Variants in MTUS2 observed in about 807,000 individuals in gnomAD.
The protein encoded by MTUS2 is microtubule associated scaffold protein 2.
MTUS2 carries 40 observed loss-of-function variants against 114.1 expected under a neutral mutation model. That is an observed-to-expected ratio of 0.35 (90% CI 0.27 to 0.46). MTUS2 has a LOEUF of 0.46. Ranked by LOEUF, MTUS2 falls within the 20% of genes least tolerant of loss-of-function variation. MTUS2 has a pLI of 1.00. For missense variants in MTUS2, 1,679 were observed against 1,705.4 expected (o/e 0.98, Z 0.27); for synonymous variants, 688 against 672.0 (o/e 1.02, Z -0.37).
chr13:29,155,312 T>A (rs1222884331), intron 5 of MTUS2, among the ~76,000 whole-genome samples: 2 of 152,230 alleles, frequency 1.3e-5, no homozygotes, highest in Non-Finnish European at 2.9e-5. Context: ...GATCAGAATT[T>A]CATTTAAAGA....
chr13:29,118,462 C>G (rs1289212686), intron 5 of MTUS2, among the ~76,000 whole-genome samples: 1 of 152,096 alleles, frequency 6.6e-6, no homozygotes, highest in Non-Finnish European at 1.5e-5. Context: ...CCATGTGTAG[C>G]TTGAGTCTGA....
intron 5 of MTUS2, among the ~76,000 whole-genome samples, chr13:29,194,333 G>T (rs529579333): frequency 6.6e-6 from 1 of 151,500 alleles, no homozygotes; most frequent in Non-Finnish European, 1.5e-5. Flanking sequence ...GAAAATTTTC[G>T]CAACCTACTC....
Position 29,353,647 on chromosome 13 carries a change from G to C in MTUS2, c.2906-5615G>C, listed in dbSNP as rs557487738. 3.3e-5 allele frequency among the ~76,000 whole-genome samples: 5 copies of C among 152,134 alleles called. No individual in the cohort carries two copies. The East Asian group carries it at 9.6e-4, about 29-fold the overall frequency. ...TTTCTGGAGTAAAGTTATGTCACTC[G>C]GAAGGAGTCTGATCATTCTGGGTTT... On this transcript the variant is annotated intron_variant, in intron 7 of 15. Coordinates refer to ENST00000612955, the MANE Select transcript of MTUS2 (RefSeq NM_001033602.4).
At position 29,294,697 on chromosome 13, in the gene MTUS2, T is replaced by C. The variant is rs575259896; in HGVS notation, c.2806+12832T>C. On this transcript the variant is annotated intron_variant, in intron 6 of 15. Transcript: ENST00000612955. Reference sequence around the variant, plus strand: ...CCTCTCTCAGTGGAATCACACAACATATACTTCATATTTCCAGCAATGATG... The same window carrying C: ...CCTCTCTCAGTGGAATCACACAACACATACTTCATATTTCCAGCAATGATG... Among the ~76,000 whole-genome samples the C allele has an allele frequency of 2.1e-4, 32 of 152,350 alleles. No individual in the cohort carries two copies. The South Asian group carries it at 2.5e-3, about 12-fold the overall frequency.
chr13:29,196,240 G>A (rs1349187462), intron 5 of MTUS2, among the ~76,000 whole-genome samples: 1 of 151,908 alleles, frequency 6.6e-6, no homozygotes, highest in Non-Finnish European at 1.5e-5. Flanking sequence ...GGGATTACAG[G>A]CACCTGCCAC....
chr13:29,501,922 T>C lies in MTUS2; in HGVS notation c.3896+728T>C, dbSNP rs560213633. Among the ~76,000 whole-genome samples the C allele has an allele frequency of 7.2e-5, 11 of 152,312 alleles. No individual in the cohort carries two copies. The East Asian group carries it at 1.7e-3, about 24-fold the overall frequency. On this transcript the variant is annotated intron_variant, in intron 15 of 15. Coordinates refer to ENST00000612955, the MANE Select transcript of MTUS2 (RefSeq NM_001033602.4). ...ACTTACGCACACACTCATATACTCA[T>C]ACAATCCCTCACACCTATTCACATG...
chr13:29,039,474 C>T (rs1887248253), intron 4 of MTUS2, among the ~76,000 whole-genome samples: 1 of 152,214 alleles, frequency 6.6e-6, no homozygotes, highest in South Asian at 2.1e-4. Context: ...GGCGCAGCTG[C>T]AGCGGGGGAG....
chr13:29,503,129 T>C lies in MTUS2; in HGVS notation c.4033T>C (p.Ser1345Pro), dbSNP rs1395473523. ...GGACCCGACCAGTCCGATTAAACTC[T>C]CGCCCACATCTCCCGTTTACCGCGG... ...TGDPTSPIKL[S>P]PTSPVYRGSS... The change falls in exon 16 of 16, where the codon TCG becomes CCG. Residue 1345 changes from serine to proline, a missense_variant. Ser to Pro is a moderately conservative substitution (Grantham distance 74). Around this residue, in one of 3 missense-constraint regions of MTUS2, gnomAD observed 822 missense variants for 899.7 expected, o/e 0.91. Transcript: ENST00000612955. 2 of 1,614,198 alleles carry C rather than the reference T, an allele frequency of 1.2e-6. No individual in the cohort carries two copies. The highest frequency in any genetic ancestry group is 2.2e-5 in the East Asian group (1 of 44,882).
chr13:29,245,694 A>ATTT lies in MTUS2; in HGVS notation c.2645-35992_2645-35990dup, dbSNP rs34670074. 7.4e-3 allele frequency among the ~76,000 whole-genome samples: 928 copies of ATTT among 125,558 alleles called. 21 individuals carry two copies. The highest frequency in any genetic ancestry group is 0.013 in the African/African-American group (432 of 33,030). 82.4% of individuals were successfully genotyped at this position (125,558 alleles called of 152,430 possible). On this transcript the variant is annotated intron_variant, in intron 5 of 15. Coordinates refer to ENST00000612955, the MANE Select transcript of MTUS2 (RefSeq NM_001033602.4). Reference sequence around the variant, plus strand: ...TCTTGTTAGTATTTCATCTATTTTAATTTTTTTTTTTTTTTTTTTTGAGAC... The same window carrying ATTT: ...TCTTGTTAGTATTTCATCTATTTTAATTTTTTTTTTTTTTTTTTTTTTTGAGAC...
chr13:28,849,157 A>G (rs1876084080), intron 2 of MTUS2, among the ~76,000 whole-genome samples: 1 of 152,252 alleles, frequency 6.6e-6, no homozygotes, highest in Admixed American at 6.5e-5. Context: ...TGTTTGTTAA[A>G]TGCATAAGTG....
At chr13:29,469,264 C>T (rs1408591521) in intron 9 of MTUS2, among the ~76,000 whole-genome samples, 2 of 152,134 alleles carry the variant, frequency 1.3e-5, no homozygotes, top group East Asian at 3.9e-4. Flanking sequence ...TCACTTTTTC[C>T]ACCCACCCCT....
intron 8 of MTUS2, among the ~76,000 whole-genome samples, chr13:29,385,312 C>A (rs181538135): frequency 2.3e-4 from 35 of 152,304 alleles, no homozygotes; most frequent in African/African-American, 7.2e-4. Flanking sequence ...CTCTGAAGAG[C>A]GATGCTCAGA....
intron 8 of MTUS2, among the ~76,000 whole-genome samples, chr13:29,381,257 G>C (rs1872185272): frequency 6.6e-6 from 1 of 152,158 alleles, no homozygotes. Flanking sequence ...TAGATAGAGT[G>C]AGAAGAAAGT....
chr13:29,081,974 A>T (rs1889464099), intron 4 of MTUS2, among the ~76,000 whole-genome samples: 3 of 152,046 alleles, frequency 2.0e-5, no homozygotes, highest in Admixed American at 2.0e-4. Flanking sequence ...GATTGTGGTG[A>T]CCCTTGGTTT....
chr13:29,040,322 TA>T (rs1158473303), intron 4 of MTUS2, among the ~76,000 whole-genome samples: 1 of 152,258 alleles, frequency 6.6e-6, no homozygotes, highest in Non-Finnish European at 1.5e-5. Flanking sequence ...GGCTCATTAG[TA>T]TTTCATAGTA....
At chr13:29,215,996 G>A (rs147772322) in intron 5 of MTUS2, among the ~76,000 whole-genome samples, 3 of 152,316 alleles carry the variant, frequency 2.0e-5, no homozygotes, top group Non-Finnish European at 4.4e-5. Flanking sequence ...CTTCCCCCAG[G>A]TGCTCTGTCC....
At chr13:29,336,314 G>A (rs1221882759) in intron 7 of MTUS2, among the ~76,000 whole-genome samples, 1 of 152,070 alleles carries the variant, frequency 6.6e-6, no homozygotes, top group Non-Finnish European at 1.5e-5. Flanking sequence ...GTGACCTTCC[G>A]ATGGGGTTTT....
At position 29,026,044 on chromosome 13, in the gene MTUS2, C is replaced by T; in HGVS notation, c.1346C>T (p.Pro449Leu). Residue 449 changes from proline to leucine, a missense_variant, in exon 3 of 16, where the codon CCC becomes CTC. This residue lies in a region of MTUS2 where 843 missense variants were observed against 770.8 expected (regional missense o/e 1.09). Coordinates refer to ENST00000612955, the MANE Select transcript of MTUS2 (RefSeq NM_001033602.4). ...CCTAATAATCTGACTGACAGCAAGC[C>T]CTTGGATGTCATTGAGGAGGAAAGG... ...FIPNNLTDSK[P>L]LDVIEEERRL... The T allele has an allele frequency of 1.2e-6, 2 of 1,613,922 alleles. No individual in the cohort carries two copies. Among genetic ancestry groups the T allele is most frequent in the South Asian group, 1.1e-5 (1 of 91,068 alleles).
chr13:29,280,155 G>C (rs2139535305), intron 5 of MTUS2, among the ~76,000 whole-genome samples: 1 of 152,312 alleles, frequency 6.6e-6, no homozygotes, highest in South Asian at 2.1e-4. Flanking sequence ...GAGGCTCACT[G>C]TTTTTGCAAG....
Sources: allele counts gnomAD v4.1 joint callset (sites outside exome capture counted in the v4.1 genomes callset), GRCh38; gene constraint gnomAD v4.1.1; regional missense constraint gnomAD v4.1.1; transcripts MANE v1.5; gene names NCBI Gene and HGNC (gene_info 2026-07-23, HGNC 2026-07-21).